CBFA2T2: variants seen among roughly 807,000 people sequenced by gnomAD.
CBFA2T2 encodes protein CBFA2T2.
In CBFA2T2, 11 loss-of-function variants were observed where a neutral mutation model predicts 62.2. The ratio of observed to expected loss-of-function variants is 0.18; its 90% CI spans 0.11 to 0.29. CBFA2T2 has a LOEUF of 0.29. CBFA2T2 is among the 10% of genes least tolerant of loss of function. The probability of loss-of-function intolerance (pLI) is 1.00; values close to 1 mark genes in which losing one functional copy is unlikely to be tolerated. For missense variants in CBFA2T2, 592 were observed against 774.1 expected (o/e 0.76, Z 2.79); for synonymous variants, 295 against 287.5 (o/e 1.03, Z -0.27).
intron 1 of CBFA2T2, among the ~76,000 whole-genome samples, chr20:33,551,444 G>A (rs972025193): frequency 5.3e-5 from 8 of 151,940 alleles, no homozygotes; most frequent in Admixed American, 4.6e-4. Flanking sequence ...TCGAACTCCC[G>A]ACCTCAGGTG....
chr20:33,502,200 T>C (rs2011297558), intron 1 of CBFA2T2, among the ~76,000 whole-genome samples: 1 of 152,190 alleles, frequency 6.6e-6, no homozygotes, highest in Non-Finnish European at 1.5e-5. Flanking sequence ...TCTTTGTGTA[T>C]ATATATTAAT....
At chr20:33,643,770 T>C (rs1276779632) in intron 10 of CBFA2T2, among the ~76,000 whole-genome samples, 3 of 3,928 alleles carry the variant, frequency 7.6e-4, no homozygotes, top group African/African-American at 3.3e-3. Flanking sequence ...TATATATATA[T>C]ATATATATAT....
intron 1 of CBFA2T2, among the ~76,000 whole-genome samples, chr20:33,597,497 A>G (rs2014942793): frequency 6.6e-6 from 1 of 152,188 alleles, no homozygotes; most frequent in Non-Finnish European, 1.5e-5. Context: ...GTGGTGAGCC[A>G]GTGCATTACC....
At chr20:33,573,604 C>T (rs1021784696) in intron 1 of CBFA2T2, among the ~76,000 whole-genome samples, 4 of 152,176 alleles carry the variant, frequency 2.6e-5, no homozygotes, top group Non-Finnish European at 5.9e-5. Flanking sequence ...GCCTCAGCCT[C>T]CCAAGTGGCT....
chr20:33,594,931 C>T (rs115516685), intron 1 of CBFA2T2, among the ~76,000 whole-genome samples: 210 of 152,306 alleles, frequency 1.4e-3, no homozygotes, highest in African/African-American at 4.8e-3. Context: ...AGACCTGAAA[C>T]AGATGGTGTG....
At chr20:33,554,360 C>CG (rs2012827443) in intron 1 of CBFA2T2, among the ~76,000 whole-genome samples, 1 of 147,892 alleles carries the variant, frequency 6.8e-6, no homozygotes, top group South Asian at 2.2e-4. Flanking sequence ...TCAAGTGATT[C>CG]TCCTGCCTCA....
At chr20:33,564,769 G>GAC (rs2013232554) in intron 1 of CBFA2T2, among the ~76,000 whole-genome samples, 2 of 151,330 alleles carry the variant, frequency 1.3e-5, no homozygotes, top group Admixed American at 1.3e-4. Flanking sequence ...TTATACAGGT[G>GAC]GGGTTTTGCC....
intron 1 of CBFA2T2, among the ~76,000 whole-genome samples, chr20:33,530,999 C>T (rs976096716): frequency 1.3e-5 from 2 of 152,058 alleles, no homozygotes; most frequent in East Asian, 3.9e-4. Context: ...AGGAGAATTG[C>T]TTGAACCTAG....
chr20:33,644,816 T>A lies in CBFA2T2; in HGVS notation c.*170T>A. The A allele has an allele frequency of 1.4e-6, 1 of 695,040 alleles. No homozygotes were observed. Among genetic ancestry groups the A allele is most frequent in the South Asian group, 2.0e-5 (1 of 50,248 alleles). 43.1% of individuals were successfully genotyped at this position (695,040 alleles called of 1,614,324 possible). On this transcript the variant is annotated 3_prime_UTR_variant, in exon 11 of 11. Coordinates refer to ENST00000342704, the MANE Select transcript of CBFA2T2 (RefSeq NM_001032999.3). ...AACACCCCACAGCCTCTCTGTGCAC[T>A]TGCTGTCTGCGGAGCCAGTGTGCCA...
chr20:33,605,295 T>A (rs1166315742), intron 1 of CBFA2T2, among the ~76,000 whole-genome samples: 2 of 152,232 alleles, frequency 1.3e-5, no homozygotes, highest in African/African-American at 4.8e-5. Context: ...TTTACCTTCT[T>A]ATTTGAGCCT....
chr20:33,501,425 C>G (rs1374181495), intron 1 of CBFA2T2, among the ~76,000 whole-genome samples: 1 of 152,020 alleles, frequency 6.6e-6, no homozygotes. Context: ...CCTTGTATCC[C>G]TAGAGCTACA....
At chr20:33,620,346 CAAAAAAAAATAGA>C (rs978960855) in intron 4 of CBFA2T2, among the ~76,000 whole-genome samples, 12 of 141,760 alleles carry the variant, frequency 8.5e-5, no homozygotes, top group African/African-American at 3.1e-4. Context: ...CCGTCTCTGC[CAAAAAAAAATAGA>C]AAAAAAAAAT....
intron 1 of CBFA2T2, among the ~76,000 whole-genome samples, chr20:33,565,583 A>C (rs985263293): frequency 2.0e-5 from 3 of 152,236 alleles, no homozygotes; most frequent in African/African-American, 7.2e-5. Context: ...AGATTCACTC[A>C]CTGTAAATAA....
Position 33,649,797 on chromosome 20 carries a change from A to G in CBFA2T2, c.*5151A>G, listed in dbSNP as rs1339218282. The G allele has an allele frequency of 6.6e-6, 1 of 152,596 alleles. No individual in the cohort carries two copies. The highest frequency in any genetic ancestry group is 2.4e-5 in the African/African-American group (1 of 41,440). 9.5% of individuals were successfully genotyped at this position (152,596 alleles called of 1,614,324 possible). ...AAAAGAAAGCCAATAATGTAAATAA[A>G]TAGAAAACGAAGCCTCCACGCGTGG... is the stretch of plus-strand genomic sequence containing the variant. On this transcript the variant is annotated 3_prime_UTR_variant, in exon 11 of 11. Coordinates refer to ENST00000342704, the MANE Select transcript of CBFA2T2 (RefSeq NM_001032999.3).
intron 1 of CBFA2T2, among the ~76,000 whole-genome samples, chr20:33,556,137 G>C (rs1322912664): frequency 6.6e-6 from 1 of 152,186 alleles, no homozygotes; most frequent in African/African-American, 2.4e-5. Context: ...AAAGTTTTGG[G>C]ATTACAAATG....
intron 9 of CBFA2T2, 67 bp downstream of exon 9, chr20:33,636,775 G>C (rs375788062): frequency 1.7e-6 from 2 of 1,199,244 alleles, no homozygotes; most frequent in East Asian, 2.4e-5. Context: ...ACAGATAACT[G>C]GGTGAATGGT....
intron 4 of CBFA2T2, among the ~76,000 whole-genome samples, chr20:33,620,378 G>A (rs374059211): frequency 1.3e-5 from 2 of 151,958 alleles, no homozygotes; most frequent in Non-Finnish European, 2.9e-5. Flanking sequence ...ATAGCCAGGC[G>A]CTTGTAGTCC....
chr20:33,584,614 G>A (rs1269790980), intron 1 of CBFA2T2, among the ~76,000 whole-genome samples: 1 of 152,064 alleles, frequency 6.6e-6, no homozygotes, highest in Non-Finnish European at 1.5e-5. Context: ...GTAAGCTCTA[G>A]TCAGCTTCTT....
At chr20:33,584,003 G>A (rs1162896578) in intron 1 of CBFA2T2, among the ~76,000 whole-genome samples, 3 of 151,934 alleles carry the variant, frequency 2.0e-5, no homozygotes, top group East Asian at 1.9e-4. Flanking sequence ...GCTGGAGTGC[G>A]GTGGTATGAT....
Sources: gnomAD v4.1 joint callset for allele counts (sites outside exome capture counted in the v4.1 genomes callset) on GRCh38, gnomAD v4.1.1 for gene constraint, MANE v1.5 for transcripts, NCBI Gene and HGNC (gene_info 2026-07-23, HGNC 2026-07-21) for gene names.